ANKRD24: variants seen among roughly 807,000 people sequenced by gnomAD.
ANKRD24 encodes ankyrin repeat domain 24, also known as ankyrin repeat domain-containing protein 24.
ANKRD24 carries 109 observed loss-of-function variants against 127.8 expected under a neutral mutation model. That is an observed-to-expected ratio of 0.85 (90% CI 0.73 to 1.00). The LOEUF is 1.00. ANKRD24 is among the 50% of genes least tolerant of loss of function. ANKRD24 has a pLI of 0.00. For synonymous variants in ANKRD24, 743 were observed against 671.1 expected, an observed-to-expected ratio of 1.11 and a Z score of -1.66; for missense variants, 1,648 against 1,570.2, an observed-to-expected ratio of 1.05 and a Z score of -0.84.
intron 19 of ANKRD24, among the ~76,000 whole-genome samples, chr19:4,220,525 G>T (rs540078091): frequency 6.6e-6 from 1 of 152,152 alleles, no homozygotes; most frequent in African/African-American, 2.4e-5. Context: ...TGTTAGATTG[G>T]GAATTTTTCA....
chr19:4,203,000 C>T (rs114927925), intron 7 of ANKRD24, 74 bp downstream of exon 7: 17,890 of 1,300,356 alleles, frequency 0.014, 684 homozygotes, highest in African/African-American at 0.14. Context: ...CTGCCCAGGG[C>T]CCTAGGGACC....
At chr19:4,212,924 A>C (rs558478825) in intron 15 of ANKRD24, among the ~76,000 whole-genome samples, 3 of 152,306 alleles carry the variant, frequency 2.0e-5, no homozygotes, top group African/African-American at 7.2e-5. Context: ...CGAGGTCAGG[A>C]GATCGAGACT....
At chr19:4,223,581 GT>G (rs35380480) in intron 20 of ANKRD24, among the ~76,000 whole-genome samples, 1 of 142,440 alleles carries the variant, frequency 7.0e-6, no homozygotes, top group African/African-American at 2.6e-5. Flanking sequence ...GAAATTTTTT[GT>G]TTTTTTTGAG....
In ANKRD24 at chr19:4,198,043, G is replaced by C. The variant is rs1968853651; in HGVS notation, c.37-1640G>C. On this transcript the variant is annotated intron_variant, in intron 2 of 21. Transcript: ENST00000318934. This position sits in a 1 kb window ranked among gnomAD's most constrained non-coding sequence, Gnocchi z 6.1. Reference sequence around the variant, plus strand: ...TGGCGAGAGCCCTGCCGGCCGCGTGGAGGTGCGAGGCTGCGGACGTCGCGG... The same window carrying C: ...TGGCGAGAGCCCTGCCGGCCGCGTGCAGGTGCGAGGCTGCGGACGTCGCGG... 1 of 409,792 alleles carries C rather than the reference G, an allele frequency of 2.4e-6. No individual in the cohort carries two copies. Among genetic ancestry groups the C allele is most frequent in the Admixed American group, 4.4e-5 (1 of 22,678 alleles). The allele number at this position is 409,792 out of a possible 1,614,324, so 25.4% of individuals were successfully genotyped here.
intron 15 of ANKRD24, among the ~76,000 whole-genome samples, chr19:4,215,579 C>T (rs553321561): frequency 8.5e-4 from 117 of 138,298 alleles, no homozygotes; most frequent in African/African-American, 3.1e-3. Context: ...CTAGCCTGGG[C>T]GACGTGACGA....
chr19:4,217,523 G>A lies in ANKRD24; in HGVS notation c.2363G>A (p.Arg788Gln), dbSNP rs1304978307. 7 of 1,365,894 alleles carry A rather than the reference G, an allele frequency of 5.1e-6. No homozygotes were observed. Among genetic ancestry groups the A allele is most frequent in the African/African-American group, 1.6e-5 (1 of 64,326 alleles). 84.6% of individuals were successfully genotyped at this position (1,365,894 alleles called of 1,614,324 possible). A position where few individuals can be genotyped will look rare whatever the true frequency, so the allele number is the denominator to read the frequency against. Residue 788 changes from arginine to glutamine, a missense_variant, in exon 18 of 22, where the codon CGG becomes CAG. Physicochemically the swap from Arg to Gln is conservative, Grantham distance 43 (BLOSUM62 1). Transcript: ENST00000318934. ...GGGGGDTTQL[R>Q]AALEQAREDL... ...GGTGGCGGTGACACCACACAGCTGC[G>A]GGCGGCCCTGGAGCAGGCCCGGGAG...
In ANKRD24 at chr19:4,195,254, A is replaced by G. The variant is rs1325746833; in HGVS notation, c.37-4429A>G. 6.6e-6 allele frequency among the ~76,000 whole-genome samples: 1 copy of G among 151,728 alleles called. No homozygotes were observed. Among genetic ancestry groups the G allele is most frequent in the Non-Finnish European group, 1.5e-5 (1 of 67,948 alleles). On this transcript the variant is annotated intron_variant, in intron 2 of 21. Transcript: ENST00000318934. This position sits in a 1 kb window ranked among gnomAD's most constrained non-coding sequence, Gnocchi z 4.2. ...CGCCCGGCTAATTTTTTGTATTTTTAGTAGAGACGGGGTTTTGCCACGTTG... is the reference window on the plus strand; with the variant it reads ...CGCCCGGCTAATTTTTTGTATTTTTGGTAGAGACGGGGTTTTGCCACGTTG...
At position 4,198,900 on chromosome 19, in the gene ANKRD24, A is replaced by G. The variant is rs942889544; in HGVS notation, c.37-783A>G. On this transcript the variant is annotated intron_variant, in intron 2 of 21. Coordinates refer to ENST00000318934, the MANE Select transcript of ANKRD24 (RefSeq NM_001393985.1). This position sits in a 1 kb window ranked among gnomAD's most constrained non-coding sequence, Gnocchi z 6.1. ...GCGAAGAGGTAATGATTTGGAGAAC[A>G]GTTTGGGAGAACATTTGAGGGATGT... 2.0e-5 allele frequency among the ~76,000 whole-genome samples: 3 copies of G among 152,124 alleles called. No homozygotes were observed. Among genetic ancestry groups the G allele is most frequent in the African/African-American group, 7.2e-5 (3 of 41,424 alleles).
Position 4,216,630 on chromosome 19 carries a change from C to G in ANKRD24, c.1470C>G (p.Asp490Glu), listed in dbSNP as rs1339985106. 7 of 1,609,522 alleles carry G rather than the reference C, an allele frequency of 4.3e-6. No homozygotes were observed. Among genetic ancestry groups the G allele is most frequent in the Non-Finnish European group, 5.9e-6 (7 of 1,178,118 alleles). ...AGGTCATCCCTCTTGCCCTCTATGA[C>G]TCTCTCCGGGCCGAGTTTGACCAGC... Reference protein sequence around the residue: ...LAEVIPLALYDSLRAEFDQLR... With the variant: ...LAEVIPLALYESLRAEFDQLR... The change falls in exon 18 of 22, where the codon GAC becomes GAG. Residue 490 changes from aspartate to glutamate, a missense_variant. Physicochemically the swap from Asp to Glu is conservative, Grantham distance 45. Transcript: ENST00000318934.
At position 4,219,694 on chromosome 19, in the gene ANKRD24, G is replaced by C; in HGVS notation, c.3107G>C (p.Arg1036Thr). 6.2e-7 allele frequency: 1 copy of C among 1,613,776 alleles called. No individual in the cohort carries two copies. The highest frequency in any genetic ancestry group is 8.5e-7 in the Non-Finnish European group (1 of 1,179,804). The change falls in exon 19 of 22, where the codon AGG (arginine) becomes ACG (threonine). Residue 1036 changes from arginine (R) to threonine (T), a missense_variant. Transcript: ENST00000318934. ...CGGGGGCTACGGACCGAGGCGGAAA[G>C]GGCTCGCCAGGCCCAGAGCCGGGCC... ...QLRGLRTEAE[R>T]ARQAQSRAQE...
At position 4,216,979 on chromosome 19, in the gene ANKRD24, A is replaced by C. The variant is rs773163042; in HGVS notation, c.1819A>C (p.Arg607=). ...TETKPTGAEV[R]EMETTEEEAN... ...AACAAAACCCACAGGGGCTGAGGTCAGAGAAATGGAGACCACAGAAGAAGA... is the reference window on the plus strand; with the variant it reads ...AACAAAACCCACAGGGGCTGAGGTCCGAGAAATGGAGACCACAGAAGAAGA... Residue 607 remains arginine (R), a synonymous_variant, in exon 18 of 22, where the codon AGA becomes CGA. Coordinates refer to ENST00000318934, the MANE Select transcript of ANKRD24 (RefSeq NM_001393985.1). 14 of 1,613,102 alleles carry C rather than the reference A, an allele frequency of 8.7e-6. No individual in the cohort carries two copies. The South Asian group carries it at 1.4e-4, about 16-fold the overall frequency.
At chr19:4,220,845 G>A (rs1297435184) in intron 19 of ANKRD24, among the ~76,000 whole-genome samples, 3 of 151,674 alleles carry the variant, frequency 2.0e-5, no homozygotes, top group East Asian at 1.9e-4. Context: ...GTGAGTCACC[G>A]CGACCGGCCT....
rs1325231530 is a variant in ANKRD24, at chr19:4,191,670, C to T, written c.36+5209C>T. On this transcript the variant is annotated intron_variant, in intron 2 of 21. Coordinates refer to ENST00000318934, the MANE Select transcript of ANKRD24 (RefSeq NM_001393985.1). ...CTAATTTTTGTGTTTTTAGTAGAGA[C>T]GGGGTTTCATCATGTTGGCCAGGTT... 3.3e-5 allele frequency among the ~76,000 whole-genome samples: 5 copies of T among 151,242 alleles called. No homozygotes were observed. In the South Asian group the frequency reaches 6.2e-4, roughly 19 times the overall value.
At chr19:4,192,995 G>A (rs1968466532) in intron 2 of ANKRD24, among the ~76,000 whole-genome samples, 1 of 150,602 alleles carries the variant, frequency 6.6e-6, no homozygotes, top group Non-Finnish European at 1.5e-5. Context: ...AAAAAGGTAT[G>A]TAGTATCTTA....
intron 2 of ANKRD24, among the ~76,000 whole-genome samples, chr19:4,189,976 G>T (rs1968291258): frequency 6.6e-6 from 1 of 152,178 alleles, no homozygotes; most frequent in Non-Finnish European, 1.5e-5. Flanking sequence ...CAGACAGCGG[G>T]AGAGAAAGAG....
chr19:4,224,162 G>T lies in ANKRD24; in HGVS notation c.3333G>T (p.Leu1111Phe). ...AARDHSSVVALYRSHLLYAIQ... is the reference protein window; with the variant it reads ...AARDHSSVVAFYRSHLLYAIQ... ...GGGACCACTCCAGCGTGGTGGCTTT[G>T]TACAGAAGCCACCTCCTATATGCCA... Residue 1111 changes from leucine to phenylalanine, a missense_variant, in exon 21 of 22, where the codon TTG becomes TTT. Leu to Phe is a conservative substitution (Grantham distance 22, BLOSUM62 0). Transcript: ENST00000318934. 1 of 1,612,500 alleles carries T rather than the reference G, an allele frequency of 6.2e-7. No individual in the cohort carries two copies. The highest frequency in any genetic ancestry group is 1.1e-5 in the South Asian group (1 of 90,832).
At chr19:4,184,213 G>A (rs529648003) in intron 1 of ANKRD24, among the ~76,000 whole-genome samples, 1 of 152,226 alleles carries the variant, frequency 6.6e-6, no homozygotes. Context: ...TCAGAGTGGA[G>A]CGGCTGGAGC....
Position 4,216,544 on chromosome 19 carries a change from C to T in ANKRD24, c.1390-6C>T. On this transcript the variant is annotated splice_polypyrimidine_tract_variant and splice_region_variant and intron_variant, in intron 17 of 21. Transcript: ENST00000318934. Reference sequence around the variant, plus strand: ...CCAGACTCCTGCCCCCCACTCCACTCCCCAGATCCTGGAGAACTTTGAGAA... The same window carrying T: ...CCAGACTCCTGCCCCCCACTCCACTTCCCAGATCCTGGAGAACTTTGAGAA... 6.2e-7 allele frequency: 1 copy of T among 1,602,078 alleles called. No homozygotes were observed. The highest frequency in any genetic ancestry group is 8.5e-7 in the Non-Finnish European group (1 of 1,173,732).
At chr19:4,210,813 A>AT (rs113946972) in intron 13 of ANKRD24, among the ~76,000 whole-genome samples, 52,183 of 126,346 alleles carry the variant, frequency 0.41, 10,187 homozygotes, top group Middle Eastern at 0.47. Context: ...AGTTCACTTT[A>AT]TTTTTTTTTT....
Sources: allele counts gnomAD v4.1 joint callset (sites outside exome capture counted in the v4.1 genomes callset), GRCh38; gene constraint gnomAD v4.1.1; non-coding constraint Gnocchi (gnomAD v3.1); transcripts MANE v1.5; gene names NCBI Gene and HGNC (gene_info 2026-07-23, HGNC 2026-07-21).